The following OSBP2 variants were observed in gnomAD, a reference collection of about 807,000 sequenced individuals.
OSBP2 encodes the protein oxysterol-binding protein 2.
A neutral mutation model predicts 96.0 loss-of-function variants in OSBP2; 66 were observed. The observed-to-expected ratio is 0.69, with a 90% CI of 0.56 to 0.84. OSBP2 has a LOEUF of 0.84. Among genes scored for constraint, OSBP2 ranks in the 40% least tolerant of loss-of-function variants. The pLI is 0.00. For synonymous variants in OSBP2, 525 were observed against 520.9 expected, an observed-to-expected ratio of 1.01 and a Z score of -0.11; for missense variants, 1,038 against 1,222.7, an observed-to-expected ratio of 0.85 and a Z score of 2.25.
At chr22:30,811,164 A>C (rs370526081) in intron 2 of OSBP2, among the ~76,000 whole-genome samples, 81 of 136,938 alleles carry the variant, frequency 5.9e-4, no homozygotes, top group Admixed American at 9.9e-4. Flanking sequence ...AGTATACACA[A>C]CCCCCCCCCC....
intron 2 of OSBP2, among the ~76,000 whole-genome samples, chr22:30,821,918 A>G (rs780077859): frequency 1.2e-4 from 19 of 152,396 alleles, no homozygotes; most frequent in Middle Eastern, 3.4e-3. Context: ...CTTACTGGTT[A>G]TGCCTGTGGG....
rs771660831 is a variant in OSBP2, at chr22:30,893,212, C to T, written c.1960C>T (p.Arg654Trp). The change falls in exon 9 of 14, where the codon CGG becomes TGG. Residue 654 changes from arginine to tryptophan, a missense_variant. Around this residue, in one of 3 missense-constraint regions of OSBP2, gnomAD observed 737 missense variants for 913.3 expected, o/e 0.81. Coordinates refer to ENST00000332585, the MANE Select transcript of OSBP2 (RefSeq NM_030758.4). ...WQEITISSKF[R>W]GKYISIMPLG... ...GGAGATCACCATCTCCAGCAAGTTC[C>T]GGGGAAAATACATCTCCATCATGCC... 4 of 1,614,102 alleles carry T rather than the reference C, an allele frequency of 2.5e-6. No homozygotes were observed. Among genetic ancestry groups the T allele is most frequent in the Non-Finnish European group, 3.4e-6 (4 of 1,179,978 alleles).
chr22:30,893,398 TA>T (rs2147166616), intron 9 of OSBP2, 64 bp from the exon 10 acceptor site: 1 of 1,551,858 alleles, frequency 6.4e-7, no homozygotes, highest in Non-Finnish European at 8.9e-7. Context: ...ACACCAGGCC[TA>T]AGGGCAGACT....
intron 5 of OSBP2, among the ~76,000 whole-genome samples, 164 bp from the exon 6 acceptor site, chr22:30,889,013 C>T (rs1602420894): frequency 6.6e-6 from 1 of 152,218 alleles, no homozygotes; most frequent in African/African-American, 2.4e-5. Flanking sequence ...CACTATCCAC[C>T]CTTGAAATGT....
Position 30,905,942 on chromosome 22 carries a change from G to A in OSBP2, c.2481G>A (p.Arg827=). ...ACAGCCGCCTGCGGCCCGACCAGCG[G>A]CTGATGGAGAAGGGCCGTTGGGACG... ...PTDSRLRPDQ[R]LMEKGRWDEA... The change falls in exon 13 of 14, where the codon CGG becomes CGA. Residue 827 remains arginine, a synonymous_variant. Transcript: ENST00000332585. 1 of 1,612,514 alleles carries A rather than the reference G, an allele frequency of 6.2e-7. No homozygotes were observed. Among genetic ancestry groups the A allele is most frequent in the Non-Finnish European group, 8.5e-7 (1 of 1,179,498 alleles).
intron 12 of OSBP2, among the ~76,000 whole-genome samples, chr22:30,895,541 A>ATTAGAAAGTAGAATT (rs376396769): frequency 6.6e-6 from 1 of 152,196 alleles, no homozygotes; most frequent in Admixed American, 6.5e-5. Context: ...AAGTTAGAAA[A>ATTAGAAAGTAGAATT]TTCTACTTTC....
intron 2 of OSBP2, chr22:30,803,085 A>AGGCGGCGGC (rs570066052): frequency 4.8e-6 from 1 of 207,996 alleles, no homozygotes; most frequent in Non-Finnish European, 9.5e-6. Context: ...GGCGGCGGGA[A>AGGCGGCGGC]GGCGGCGGCG....
chr22:30,723,704 G>A (rs1450650630), intron 1 of OSBP2, among the ~76,000 whole-genome samples: 1 of 152,062 alleles, frequency 6.6e-6, no homozygotes, highest in African/African-American at 2.4e-5. Flanking sequence ...ATGACCCACC[G>A]CACCCGGCCA....
chr22:30,731,163 G>A (rs1002640587), intron 1 of OSBP2, among the ~76,000 whole-genome samples: 3 of 151,854 alleles, frequency 2.0e-5, no homozygotes, highest in African/African-American at 7.3e-5. Context: ...GGCAGAGTGA[G>A]ACTCCATCTC....
chr22:30,769,685 CAAA>C (rs2090322994), intron 2 of OSBP2, among the ~76,000 whole-genome samples: 1 of 152,032 alleles, frequency 6.6e-6, no homozygotes, highest in Admixed American at 6.6e-5. Context: ...TTAAATAATA[CAAA>C]ACAGTCTAGG....
chr22:30,728,520 AG>A (rs1200138414), intron 1 of OSBP2, among the ~76,000 whole-genome samples: 1 of 152,070 alleles, frequency 6.6e-6, no homozygotes, highest in Non-Finnish European at 1.5e-5. Context: ...TTGTAGAGAC[AG>A]GGTCTAGCTG....
chr22:30,883,257 G>A (rs1416411852), intron 3 of OSBP2, among the ~76,000 whole-genome samples: 1 of 152,252 alleles, frequency 6.6e-6, no homozygotes, highest in African/African-American at 2.4e-5. Context: ...AGGCAGGCAA[G>A]GGGATCGTGC....
intron 2 of OSBP2, among the ~76,000 whole-genome samples, chr22:30,809,114 AG>A (rs925150365): frequency 6.6e-6 from 1 of 152,246 alleles, no homozygotes. Flanking sequence ...GAGGCAAGGA[AG>A]GATTCTCCCC....
chr22:30,715,231 G>A (rs1271252854), intron 1 of OSBP2, among the ~76,000 whole-genome samples: 1 of 151,900 alleles, frequency 6.6e-6, no homozygotes, highest in Non-Finnish European at 1.5e-5. Context: ...GTTTCTCTAC[G>A]TCCTTGCCAA....
chr22:30,717,626 A>C (rs1299340400), intron 1 of OSBP2, among the ~76,000 whole-genome samples: 1 of 152,250 alleles, frequency 6.6e-6, no homozygotes, highest in African/African-American at 2.4e-5. Flanking sequence ...ATAGCCTGTA[A>C]GAAAGCAGAT....
At chr22:30,704,794 G>A (rs1382925954) in intron 1 of OSBP2, among the ~76,000 whole-genome samples, 6 of 152,084 alleles carry the variant, frequency 3.9e-5, no homozygotes, top group Non-Finnish European at 5.9e-5. Context: ...AACAGTATAG[G>A]CACAGTGAGC....
chr22:30,740,632 T>A (rs1473130435), intron 1 of OSBP2, among the ~76,000 whole-genome samples: 1 of 152,132 alleles, frequency 6.6e-6, no homozygotes, highest in Non-Finnish European at 1.5e-5. Flanking sequence ...TTAGATCTCT[T>A]TCACTCTCAG....
In OSBP2 at chr22:30,893,542, C is replaced by T. The variant is rs748469246; in HGVS notation, c.2070C>T (p.Ile690=). 9.3e-6 allele frequency: 15 copies of T among 1,614,020 alleles called. No homozygotes were observed. Among genetic ancestry groups the T allele is most frequent in the East Asian group, 2.2e-5 (1 of 44,890 alleles). The change falls in exon 10 of 14, where the codon ATC becomes ATT. Residue 690 remains isoleucine (I), a synonymous_variant. Transcript: ENST00000332585. ...RKSTSTVHNI[I]VGKLWIDQSG... is the part of the protein sequence containing the mutation. ...GCACCTCAACTGTTCACAACATCATCGTGGGCAAGCTCTGGATCGACCAGG... is the reference window on the plus strand; with the variant it reads ...GCACCTCAACTGTTCACAACATCATTGTGGGCAAGCTCTGGATCGACCAGG...
chr22:30,826,508 C>T (rs185555671), intron 2 of OSBP2, among the ~76,000 whole-genome samples: 3 of 152,308 alleles, frequency 2.0e-5, no homozygotes, highest in Admixed American at 1.3e-4. Context: ...AAGTTTCCCC[C>T]GACCTCCCAA....
Sources: gnomAD v4.1 joint callset for allele counts (sites outside exome capture counted in the v4.1 genomes callset) on GRCh38, gnomAD v4.1.1 for gene constraint, gnomAD v4.1.1 regional missense constraint, MANE v1.5 for transcripts, NCBI Gene and HGNC (gene_info 2026-07-23, HGNC 2026-07-21) for gene names.